Variants in REPS2 observed in about 807,000 individuals in gnomAD.
The protein encoded by REPS2 is RALBP1 associated Eps domain containing 2.
A neutral mutation model predicts 53.6 loss-of-function variants in REPS2; 23 were observed. The ratio of observed to expected loss-of-function variants is 0.43; its 90% confidence interval spans 0.31 to 0.61. The LOEUF is 0.61. Among genes scored for constraint, REPS2 ranks in the 20% least tolerant of loss-of-function variants. The pLI is 0.11. For synonymous variants in REPS2, 238 were observed against 218.6 expected (o/e 1.09, Z -0.78); for missense variants, 446 against 534.9 (o/e 0.83, Z 1.64).
intron 9 of REPS2, among the ~76,000 whole-genome samples, chrX:17,066,973 T>G (rs2062233995): frequency 8.9e-6 from 1 of 112,444 alleles, no homozygotes; most frequent in African/African-American, 3.2e-5. Flanking sequence ...AAAACAAAAG[T>G]ATTGCTTATC....
chrX:17,002,520 T>C (rs2061320171), intron 1 of REPS2, among the ~76,000 whole-genome samples: 1 of 112,083 alleles, frequency 8.9e-6, no homozygotes, highest in African/African-American at 3.2e-5. Context: ...CATGTCCCTC[T>C]GGACTGAAAG....
At chrX:17,077,745 C>G (rs5924547) in intron 13 of REPS2, among the ~76,000 whole-genome samples, 48,920 of 111,410 alleles carry the variant, frequency 0.44, 7,925 homozygotes, top group Middle Eastern at 0.57. Flanking sequence ...CAAGATAGAT[C>G]GCTGTCTGTC....
intron 14 of REPS2, among the ~76,000 whole-genome samples, chrX:17,107,231 A>G (rs932120379): frequency 2.7e-5 from 3 of 112,339 alleles, no homozygotes; most frequent in Non-Finnish European, 5.6e-5. Flanking sequence ...TTCCCTAGTT[A>G]TAGAATCGGT....
intron 13 of REPS2, among the ~76,000 whole-genome samples, chrX:17,096,312 C>T (rs1301079614): frequency 9.0e-6 from 1 of 111,359 alleles, no homozygotes; most frequent in Non-Finnish European, 1.9e-5. Flanking sequence ...TGAGCAAGAA[C>T]AAACAGGAAA....
intron 17 of REPS2, among the ~76,000 whole-genome samples, chrX:17,142,084 A>C (rs929076219): frequency 4.5e-5 from 5 of 112,257 alleles, no homozygotes; most frequent in African/African-American, 1.6e-4. Context: ...CAGCCATTTG[A>C]TCTTTGACAA....
intron 2 of REPS2, among the ~76,000 whole-genome samples, chrX:17,012,523 G>A (rs2061442515): frequency 9.0e-6 from 1 of 111,370 alleles, no homozygotes; most frequent in African/African-American, 3.3e-5. Flanking sequence ...TTCAGTTATA[G>A]TAGGGAAAAT....
At chrX:17,166,510 A>C in the REPS2 span, among the ~76,000 whole-genome samples, 30 of 112,522 alleles carry the variant, frequency 2.7e-4, no homozygotes, top group African/African-American at 9.7e-4. Flanking sequence ...TGCTCACAGG[A>C]GCCTGCAACA....
the REPS2 span, among the ~76,000 whole-genome samples, chrX:17,181,967 C>A: frequency 8.9e-6 from 1 of 111,979 alleles, no homozygotes; most frequent in South Asian, 3.7e-4. Context: ...CTTCCAGAAT[C>A]TTGCTATTCC....
At position 16,946,778 on chromosome X, in the gene REPS2, TGAGGCCG is replaced by T; in HGVS notation, c.-83_-77del. ...TGGCGGCGGCGGCGGCGGCGGCAGC[TGAGGCCG>T]AGGAGGCGGTGGCTGTGGCGGACGC... is the stretch of plus-strand genomic sequence containing the variant. On this transcript the variant is annotated 5_prime_UTR_variant, in exon 1 of 18. Transcript: ENST00000357277. The T allele has an allele frequency of 1.3e-6, 1 of 746,374 alleles. No individual in the cohort carries two copies. Among genetic ancestry groups the T allele is most frequent in the Non-Finnish European group, 1.6e-6 (1 of 642,008 alleles). The allele number at this position is 746,374 out of a possible 1,213,427, so 61.5% of individuals were successfully genotyped here. A position where few individuals can be genotyped will look rare whatever the true frequency, so the allele number is the denominator to read the frequency against.
intron 1 of REPS2, among the ~76,000 whole-genome samples, chrX:16,956,213 A>G (rs1488232641): frequency 1.2e-5 from 1 of 85,185 alleles, no homozygotes; most frequent in Admixed American, 1.3e-4. Context: ...TTTTTTTTTT[A>G]CTAACTGCCC....
At chrX:16,977,569 A>T (rs1816965027) in intron 1 of REPS2, among the ~76,000 whole-genome samples, 2 of 109,392 alleles carry the variant, frequency 1.8e-5, no homozygotes, top group African/African-American at 6.7e-5. Flanking sequence ...TAAAAAATCT[A>T]GCTGGGCATG....
In REPS2 at chrX:17,034,476, A is replaced by ATT. The variant is rs781127728; in HGVS notation, c.771+4854_771+4855dup. On this transcript the variant is annotated intron_variant, in intron 5 of 17. Transcript: ENST00000357277. The stretch of plus-strand genomic sequence containing the variant: ...CATGCCCAGCTAATTTTGTATTTTT[A>ATT]TTAGAGACGGGGTTTCTCCATGTTG... Among the ~76,000 whole-genome samples the ATT allele has an allele frequency of 8.3e-4, 92 of 110,357 alleles. 1 individual carries two copies. In the East Asian group the frequency reaches 0.021, roughly 25 times the overall value.
In REPS2 at chrX:17,044,116, T is replaced by C. The variant is rs141100404; in HGVS notation, c.772-3231T>C. On this transcript the variant is annotated intron_variant, in intron 5 of 17. Transcript: ENST00000357277. ...TCTGTTCATTCCTGATTTCTGTTGTTAGAGTAGACCTGAGACCTGCCTGCT... is the reference window on the plus strand; with the variant it reads ...TCTGTTCATTCCTGATTTCTGTTGTCAGAGTAGACCTGAGACCTGCCTGCT... Among the ~76,000 whole-genome samples, 612 of 111,679 alleles carry C rather than the reference T, an allele frequency of 5.5e-3. 3 individuals are homozygous for C. The highest frequency in any genetic ancestry group is 0.019 in the African/African-American group (593 of 30,734).
chrX:17,119,627 A>G (rs1273097300), intron 14 of REPS2, among the ~76,000 whole-genome samples: 19 of 111,448 alleles, frequency 1.7e-4, no homozygotes. Flanking sequence ...CATGCCCAAC[A>G]CTATCTATTC....
chrX:17,134,372 C>G (rs2063333291), intron 15 of REPS2, among the ~76,000 whole-genome samples: 1 of 111,562 alleles, frequency 9.0e-6, no homozygotes, highest in African/African-American at 3.3e-5. Flanking sequence ...GTAAGTACCC[C>G]TCACTCATCA....
At chrX:17,026,934 T>C (rs375344081) in intron 4 of REPS2, among the ~76,000 whole-genome samples, 34 of 111,082 alleles carry the variant, frequency 3.1e-4, no homozygotes, top group African/African-American at 1.0e-3. Context: ...ATTACAGACA[T>C]GTGCCACCAC....
chrX:17,024,363 GTTTTT>G (rs900082438), intron 3 of REPS2, among the ~76,000 whole-genome samples: 1 of 71,691 alleles, frequency 1.4e-5, no homozygotes, highest in African/African-American at 5.4e-5. Context: ...TACTAGTAAA[GTTTTT>G]TTTTTTTTTT....
chrX:17,132,649 T>G (rs2063309258), intron 14 of REPS2, among the ~76,000 whole-genome samples: 1 of 112,803 alleles, frequency 8.9e-6, no homozygotes, highest in Non-Finnish European at 1.9e-5. Flanking sequence ...GTGATTCTCT[T>G]GCCTCAGCCT....
chrX:17,028,629 T>C (rs2061674815), intron 4 of REPS2, among the ~76,000 whole-genome samples: 1 of 112,628 alleles, frequency 8.9e-6, no homozygotes, highest in Non-Finnish European at 1.9e-5. Flanking sequence ...TGATGTGCTA[T>C]TGTTGTACCT....
Sources: allele counts gnomAD v4.1 joint callset (sites outside exome capture counted in the v4.1 genomes callset), GRCh38; gene constraint gnomAD v4.1.1; transcripts MANE v1.5; gene names NCBI Gene and HGNC (gene_info 2026-07-23, HGNC 2026-07-21).